The following HCN1 variants were observed in gnomAD, a reference collection of about 807,000 sequenced individuals.
HCN1 encodes potassium/sodium hyperpolarization-activated cyclic nucleotide-gated channel 1.
Under a neutral mutation model 78.9 loss-of-function variants are expected in HCN1, and 13 were observed. The observed-to-expected ratio is 0.16, with a 90% CI of 0.11 to 0.26. The LOEUF (loss-of-function observed/expected upper bound fraction) is 0.26, where lower values mean the gene tolerates loss of function less well. Among genes scored for constraint, HCN1 ranks in the 10% least tolerant of loss-of-function variants. HCN1 has a pLI of 1.00. For synonymous variants in HCN1, 552 were observed against 455.5 expected (o/e 1.21, Z -2.70); for missense variants, 810 against 1,154.3 (o/e 0.70, Z 4.32).
chr5:45,505,858 A>G (rs1408258631), intron 2 of HCN1, among the ~76,000 whole-genome samples: 3 of 152,114 alleles, frequency 2.0e-5, no homozygotes, highest in African/African-American at 7.2e-5. Flanking sequence ...ATTATTTTTC[A>G]TCAGTCTAAT....
At chr5:45,589,052 C>A (rs1242257230) in intron 2 of HCN1, among the ~76,000 whole-genome samples, 1 of 152,008 alleles carries the variant, frequency 6.6e-6, no homozygotes, top group Non-Finnish European at 1.5e-5. Flanking sequence ...TGAGAGAGAG[C>A]TTTATGTTAC....
At chr5:45,317,095 G>A (rs1746010561) in intron 5 of HCN1, among the ~76,000 whole-genome samples, 1 of 152,076 alleles carries the variant, frequency 6.6e-6, no homozygotes. Flanking sequence ...CCAAAAAAGA[G>A]CCTGCATTGC....
chr5:45,530,899 A>G (rs546576898), intron 2 of HCN1, among the ~76,000 whole-genome samples: 7 of 152,142 alleles, frequency 4.6e-5, no homozygotes, highest in Admixed American at 1.3e-4. Context: ...AGTTACCCAG[A>G]CATCCTGGAT....
At position 45,394,282 on chromosome 5, in the gene HCN1, T is replaced by C. The variant is rs1358789609; in HGVS notation, c.1230+2210A>G. ...GGAAGAGGAGTGCTAACAGATTGTC[T>C]AGGAGAAGGATGCATGAGTGCTTCT... On this transcript the variant is annotated intron_variant, in intron 4 of 7. Coordinates refer to ENST00000303230, the MANE Select transcript of HCN1 (RefSeq NM_021072.4). 3.3e-5 allele frequency among the ~76,000 whole-genome samples: 5 copies of C among 152,188 alleles called. No individual in the cohort carries two copies. In the East Asian group the frequency reaches 7.8e-4, roughly 24 times the overall value.
At chr5:45,566,135 GA>G (rs1025172947) in intron 2 of HCN1, among the ~76,000 whole-genome samples, 1 of 152,094 alleles carries the variant, frequency 6.6e-6, no homozygotes, top group Non-Finnish European at 1.5e-5. Context: ...TGTAATTACT[GA>G]ATTTTTCTCA....
intron 5 of HCN1, among the ~76,000 whole-genome samples, chr5:45,335,049 T>C (rs1416591879): frequency 6.6e-6 from 1 of 152,010 alleles, no homozygotes; most frequent in African/African-American, 2.4e-5. Flanking sequence ...ATTCATGCTC[T>C]GTGAAAATGA....
At chr5:45,374,020 T>TATATATTATATACATAATATATATA (rs1747514111) in intron 4 of HCN1, among the ~76,000 whole-genome samples, 1 of 81,186 alleles carries the variant, frequency 1.2e-5, no homozygotes, top group Non-Finnish European at 2.1e-5. Context: ...TAATATATAT[T>TATATATTATATACATAATATATATA]ATATATATTA....
intron 4 of HCN1, among the ~76,000 whole-genome samples, chr5:45,363,168 A>C (rs1005489997): frequency 1.3e-4 from 18 of 135,078 alleles, no homozygotes; most frequent in African/African-American, 3.8e-4. Flanking sequence ...ATATATATAT[A>C]TCTGAATAGT....
intron 2 of HCN1, among the ~76,000 whole-genome samples, chr5:45,533,716 T>C (rs1742906065): frequency 6.6e-6 from 1 of 152,148 alleles, no homozygotes; most frequent in South Asian, 2.1e-4. Context: ...CCCTTCAGGC[T>C]AAAAAATATA....
At chr5:45,376,712 A>G (rs1485633176) in intron 4 of HCN1, among the ~76,000 whole-genome samples, 1 of 151,924 alleles carries the variant, frequency 6.6e-6, no homozygotes, top group Non-Finnish European at 1.5e-5. Context: ...CACTGGCAGG[A>G]AATAACATTC....
Position 45,521,269 on chromosome 5 carries a change from G to T in HCN1, c.850-59262C>A, listed in dbSNP as rs111634667. Among the ~76,000 whole-genome samples the T allele has an allele frequency of 8.8e-3, 1,344 of 151,942 alleles. 10 individuals carry two copies. The highest frequency in any genetic ancestry group is 0.015 in the Admixed American group (222 of 15,212). On this transcript the variant is annotated intron_variant, in intron 2 of 7. Coordinates refer to ENST00000303230, the MANE Select transcript of HCN1 (RefSeq NM_021072.4). ...ACCTTCTCTTCTTCTAGCTTCTGGCGCCTCCCATTGGCCAAACTTAACATG... is the reference window on the plus strand; with the variant it reads ...ACCTTCTCTTCTTCTAGCTTCTGGCTCCTCCCATTGGCCAAACTTAACATG...
chr5:45,523,987 G>A (rs1156643738), intron 2 of HCN1, among the ~76,000 whole-genome samples: 1 of 152,072 alleles, frequency 6.6e-6, no homozygotes, highest in East Asian at 1.9e-4. Flanking sequence ...GGTTTTTATG[G>A]TTTTAGGTCT....
intron 3 of HCN1, among the ~76,000 whole-genome samples, chr5:45,397,845 T>A (rs1333716971): frequency 6.6e-6 from 1 of 151,692 alleles, no homozygotes; most frequent in Non-Finnish European, 1.5e-5. Context: ...TCTGGCTTAT[T>A]TTTCTGAAAT....
intron 3 of HCN1, among the ~76,000 whole-genome samples, chr5:45,411,412 C>A (rs1230493987): frequency 1.3e-5 from 2 of 150,940 alleles, no homozygotes; most frequent in Non-Finnish European, 3.0e-5. Context: ...GTGATTCAGG[C>A]GTAATTCCTA....
intron 2 of HCN1, among the ~76,000 whole-genome samples, chr5:45,549,319 A>T (rs1554032369): frequency 6.6e-6 from 1 of 152,140 alleles, no homozygotes; most frequent in Non-Finnish European, 1.5e-5. Flanking sequence ...ATGGAACATA[A>T]CAGAGCCCTC....
At chr5:45,625,219 C>G (rs1047506440) in intron 2 of HCN1, among the ~76,000 whole-genome samples, 2 of 152,072 alleles carry the variant, frequency 1.3e-5, no homozygotes, top group African/African-American at 4.8e-5. Flanking sequence ...GGGATAATCT[C>G]TTGAACCTTG....
chr5:45,638,777 C>T (rs922947830), intron 2 of HCN1, among the ~76,000 whole-genome samples: 4 of 152,074 alleles, frequency 2.6e-5, no homozygotes, highest in African/African-American at 9.7e-5. Context: ...TTGGGGGCAC[C>T]TGTAATCCCA....
chr5:45,262,408 A>G lies in HCN1; in HGVS notation c.2186T>C (p.Leu729Pro). The G allele has an allele frequency of 6.2e-7, 1 of 1,611,448 alleles. No homozygotes were observed. ...YASPTASQLS[L>P]MQQQPQQQVQ... ...CTGCTGCTGCGGCTGCTGTTGCATG[A>G]GTGACAGCTGGGAGGCGGTGGGGGA... The change falls in exon 8 of 8, where the codon CTC becomes CCC. Residue 729 changes from leucine to proline, a missense_variant. By Grantham distance (98) the Leu-to-Pro change is moderately conservative. Transcript: ENST00000303230.
chr5:45,330,787 C>T (rs1417419999), intron 5 of HCN1, among the ~76,000 whole-genome samples: 1 of 150,772 alleles, frequency 6.6e-6, no homozygotes, highest in Non-Finnish European at 1.5e-5. Context: ...CTAATGCATA[C>T]TCATTCATTT....
Sources: allele counts gnomAD v4.1 joint callset (sites outside exome capture counted in the v4.1 genomes callset), GRCh38; gene constraint gnomAD v4.1.1; transcripts MANE v1.5; gene names NCBI Gene and HGNC (gene_info 2026-07-23, HGNC 2026-07-21).